HDAC4: variants seen among roughly 807,000 people sequenced by gnomAD.
HDAC4 encodes histone deacetylase 4, also known as histone deacetylase A.
A neutral mutation model predicts 135.1 loss-of-function variants in HDAC4; 16 were observed. That is an observed-to-expected ratio of 0.12 (90% CI 0.08 to 0.18). HDAC4 has a LOEUF of 0.18. Ranked by LOEUF, HDAC4 falls within the 10% of genes least tolerant of loss-of-function variation. The pLI is 1.00. For synonymous variants in HDAC4, 685 were observed against 653.4 expected (o/e 1.05, Z -0.74); for missense variants, 1,143 against 1,511.8 (o/e 0.76, Z 4.05).
intron 1 of HDAC4, among the ~76,000 whole-genome samples, chr2:239,376,003 T>C (rs1189340031): frequency 6.6e-6 from 1 of 152,246 alleles, no homozygotes; most frequent in Non-Finnish European, 1.5e-5. Flanking sequence ...CTGACTCTGC[T>C]TCAATGTGTC....
At chr2:239,159,606 ACTCAC>A (rs1412504838) in intron 6 of HDAC4, among the ~76,000 whole-genome samples, 17 of 147,248 alleles carry the variant, frequency 1.2e-4, no homozygotes, top group South Asian at 6.6e-4. Context: ...CATACCCCAC[ACTCAC>A]CTCACCCACT....
intron 2 of HDAC4, among the ~76,000 whole-genome samples, chr2:239,270,394 G>C (rs1016632407): frequency 6.6e-5 from 10 of 152,200 alleles, no homozygotes; most frequent in African/African-American, 2.4e-4. Context: ...AGCAGAGCTG[G>C]CAACATGCAG....
At position 239,400,545 on chromosome 2, in the gene HDAC4, C is replaced by A. The variant is rs1484536634; in HGVS notation, c.-220+433G>T. On this transcript the variant is annotated intron_variant, in intron 1 of 26. Transcript: ENST00000543185. The surrounding 1 kb of genome is among the most constrained non-coding windows in gnomAD (Gnocchi z 4.7). ...CGGGTCCCACGGCGCGCGGCCAGCG[C>A]TGGCCCCCGCCTCCCACGGCCGCGC... is the stretch of plus-strand genomic sequence containing the variant. 2.1e-5 allele frequency: 3 copies of A among 145,706 alleles called. No individual in the cohort carries two copies. Among genetic ancestry groups the A allele is most frequent in the Admixed American group, 6.8e-5 (1 of 14,722 alleles). 9.0% of individuals were successfully genotyped at this position (145,706 alleles called of 1,614,324 possible). A position where few individuals can be genotyped will look rare whatever the true frequency, so the allele number is the denominator to read the frequency against.
chr2:239,174,729 A>T (rs986139267), intron 5 of HDAC4, among the ~76,000 whole-genome samples: 4 of 152,278 alleles, frequency 2.6e-5, no homozygotes, highest in African/African-American at 9.6e-5. Context: ...AACAAGCCAA[A>T]TATCTAACAA....
chr2:239,156,734 G>A lies in HDAC4; in HGVS notation c.651C>T (p.Pro217=). 5 of 1,614,136 alleles carry A rather than the reference G, an allele frequency of 3.1e-6. 1 individual carries two copies. The Admixed American group carries it at 8.3e-5, about 27-fold the overall frequency. ...QHSSLDQSSP[P]QSGVSTSYNH... is the part of the protein sequence containing the mutation. ...TATAGGAGGTCGACACTCCGCTCTG[G>A]GGTGGAGAACTCTGGTCAAGGGAAC... The change falls in exon 7 of 27, where the codon CCC becomes CCT. Residue 217 remains proline (P), a synonymous_variant. Transcript: ENST00000543185.
At chr2:239,267,050 G>C (rs569643906) in intron 2 of HDAC4, among the ~76,000 whole-genome samples, 16 of 152,282 alleles carry the variant, frequency 1.1e-4, no homozygotes, top group Admixed American at 4.6e-4. Flanking sequence ...TGCAGAGGGA[G>C]AGTAAGTGCC....
intron 2 of HDAC4, among the ~76,000 whole-genome samples, chr2:239,305,148 C>T (rs1040802712): frequency 2.0e-5 from 3 of 152,196 alleles, no homozygotes; most frequent in African/African-American, 7.2e-5. Flanking sequence ...ATGCAGATGA[C>T]AAAGCAGCTT....
chr2:239,321,502 C>T (rs923396638), intron 2 of HDAC4, among the ~76,000 whole-genome samples: 1 of 139,506 alleles, frequency 7.2e-6, no homozygotes, highest in African/African-American at 2.6e-5. Flanking sequence ...GGTTAGCTTA[C>T]ATTTTTCTGT....
intron 16 of HDAC4, among the ~76,000 whole-genome samples, chr2:239,096,909 G>A (rs961588265): frequency 2.0e-5 from 3 of 152,132 alleles, no homozygotes; most frequent in Non-Finnish European, 2.9e-5. Flanking sequence ...TCCACGGCCC[G>A]GGGCTGGGGA....
rs545240736 is a variant in HDAC4 at position 239,181,025 on chromosome 2, C to T, written c.340-4462G>A. 1.9e-3 allele frequency among the ~76,000 whole-genome samples: 297 copies of T among 152,350 alleles called. 2 individuals carry two copies. The highest frequency in any genetic ancestry group is 6.7e-3 in the African/African-American group (278 of 41,574). ...CTTGGAGTCCAGGGCAGTGGGACCTCGGGCTCTAGGCAGGTCTGCCCAGTC... is the reference window on the plus strand; with the variant it reads ...CTTGGAGTCCAGGGCAGTGGGACCTTGGGCTCTAGGCAGGTCTGCCCAGTC... On this transcript the variant is annotated intron_variant, in intron 4 of 26. Transcript: ENST00000543185.
At chr2:239,272,696 C>T (rs577128458) in intron 2 of HDAC4, among the ~76,000 whole-genome samples, 60 of 152,332 alleles carry the variant, frequency 3.9e-4, no homozygotes, top group African/African-American at 1.4e-3. Flanking sequence ...CGGAACCTCT[C>T]GCAGCCAACC....
chr2:239,395,585 C>T (rs1357241958), intron 1 of HDAC4, among the ~76,000 whole-genome samples: 2 of 152,194 alleles, frequency 1.3e-5, no homozygotes, highest in African/African-American at 2.4e-5. Flanking sequence ...AGAATCTCTA[C>T]AATACCACCA....
chr2:239,123,732 G>A (rs924171899), intron 12 of HDAC4, among the ~76,000 whole-genome samples: 2 of 152,230 alleles, frequency 1.3e-5, no homozygotes, highest in Admixed American at 6.5e-5. Context: ...TTGGGACCAG[G>A]CAGGCAGGAG....
At chr2:239,166,908 A>ACTT (rs2043151487) in intron 5 of HDAC4, among the ~76,000 whole-genome samples, 1 of 152,222 alleles carries the variant, frequency 6.6e-6, no homozygotes, top group Non-Finnish European at 1.5e-5. Flanking sequence ...GAAATGGGTA[A>ACTT]CTTCAATTTT....
chr2:239,290,901 C>T (rs570472847), intron 2 of HDAC4, among the ~76,000 whole-genome samples: 110 of 152,320 alleles, frequency 7.2e-4, no homozygotes, highest in Middle Eastern at 3.4e-3. Context: ...CGCTCATTCA[C>T]TCAGGAATTT....
intron 22 of HDAC4, among the ~76,000 whole-genome samples, chr2:239,072,886 A>C (rs2034340561): frequency 6.6e-6 from 1 of 152,180 alleles, no homozygotes; most frequent in Non-Finnish European, 1.5e-5. Context: ...AAGGGCTTAA[A>C]CACCAGGTGA....
chr2:239,387,913 C>T (rs1369938058), intron 1 of HDAC4, among the ~76,000 whole-genome samples: 1 of 152,178 alleles, frequency 6.6e-6, no homozygotes, highest in Non-Finnish European at 1.5e-5. Context: ...GAGCAGCAGC[C>T]AGCTCAGATC....
At chr2:239,291,266 G>A (rs1298419678) in intron 2 of HDAC4, among the ~76,000 whole-genome samples, 1 of 152,202 alleles carries the variant, frequency 6.6e-6, no homozygotes, top group Non-Finnish European at 1.5e-5. Flanking sequence ...GGCATGGCTC[G>A]CCTGCCAGGG....
At chr2:239,174,442 C>CA (rs1237398693) in intron 5 of HDAC4, among the ~76,000 whole-genome samples, 3 of 152,114 alleles carry the variant, frequency 2.0e-5, no homozygotes, top group Non-Finnish European at 4.4e-5. Context: ...TATTGGTAAT[C>CA]AAAGAAATGT....
Sources: gnomAD v4.1 joint callset for allele counts (sites outside exome capture counted in the v4.1 genomes callset) on GRCh38, gnomAD v4.1.1 for gene constraint, Gnocchi (gnomAD v3.1) non-coding constraint, MANE v1.5 for transcripts, NCBI Gene and HGNC (gene_info 2026-07-23, HGNC 2026-07-21) for gene names.